DIO2: variants seen among roughly 807,000 people sequenced by gnomAD.
DIO2 encodes the protein type II iodothyronine deiodinase.
In DIO2, 19 loss-of-function variants were observed where a neutral mutation model predicts 21.4. The ratio of observed to expected loss-of-function variants is 0.89; its 90% CI spans 0.62 to 1.30. The LOEUF (loss-of-function observed/expected upper bound fraction) is 1.30. DIO2 is among the 50% of genes most tolerant of loss of function. The pLI is 0.00. For synonymous variants in DIO2, 122 were observed against 132.9 expected, an observed-to-expected ratio of 0.92 and a Z score of 0.57; for missense variants, 302 against 338.1, an observed-to-expected ratio of 0.89 and a Z score of 0.84.
chr14:80,207,718 T>G (rs1021933346), intron 1 of DIO2, among the ~76,000 whole-genome samples: 1 of 152,226 alleles, frequency 6.6e-6, no homozygotes, highest in Admixed American at 6.5e-5. Context: ...AGTTGAAGAA[T>G]AGGCTACGTA....
At chr14:80,208,221 C>A (rs1282311291) in intron 1 of DIO2, among the ~76,000 whole-genome samples, 1 of 152,088 alleles carries the variant, frequency 6.6e-6, no homozygotes, top group Middle Eastern at 3.2e-3. Context: ...TAACAAACAC[C>A]TTTTATTCAC....
At chr14:80,212,305 T>C (rs887308635), upstream of DIO2, 4 of 151,788 alleles carry the variant, frequency 2.6e-5, no homozygotes, top group Non-Finnish European at 4.4e-5. Context: ...TTGGCCAGGA[T>C]TGCAGTGAAT....
At chr14:80,216,160 C>CAA (rs1888347480), upstream of DIO2, 1 of 151,626 alleles carries the variant, frequency 6.6e-6, no homozygotes, top group Non-Finnish European at 1.5e-5. Flanking sequence ...ACTGGTAAGA[C>CAA]AGAGGGGGAG....
Position 80,202,926 on chromosome 14 carries a change from G to A in DIO2, c.585C>T (p.Ala195=). 6.2e-7 allele frequency: 1 copy of A among 1,613,944 alleles called. No individual in the cohort carries two copies. The highest frequency in any genetic ancestry group is 1.1e-5 in the South Asian group (1 of 91,078). The change falls in exon 2 of 2, where the codon GCC becomes GCT. Residue 195 remains alanine, a synonymous_variant. Transcript: ENST00000438257. Reference sequence around the variant, plus strand: ...AGGAGAAACGCTCCAGAAGCTGCTGGGCTGCTGCACATCGATCTTCCTGGT... The same window carrying A: ...AGGAGAAACGCTCCAGAAGCTGCTGAGCTGCTGCACATCGATCTTCCTGGT... ...HQNQEDRCAA[A]QQLLERFSLP...
intron 2 of DIO2, among the ~76,000 whole-genome samples, chr14:80,222,139 T>G (rs1296801708): frequency 6.6e-6 from 1 of 152,248 alleles, no homozygotes; most frequent in African/African-American, 2.4e-5. Flanking sequence ...CACTTGCATA[T>G]ATGCATGTAC....
upstream of DIO2, among the ~76,000 whole-genome samples, chr14:80,215,047 G>A (rs1417846915): frequency 1.3e-5 from 2 of 152,126 alleles, no homozygotes; most frequent in Non-Finnish European, 2.9e-5. Flanking sequence ...TCCCGACTCA[G>A]GCTCCTTGTT....
At chr14:80,205,865 T>C (rs225011) in intron 1 of DIO2, 213,526 of 453,718 alleles carry the variant, frequency 0.47, 52,552 homozygotes, top group East Asian at 0.75. Context: ...TTGTTATAAT[T>C]CTAGGTCAGT....
At chr14:80,216,720 C>T (rs1328039154) in exon 3 of DIO2, 1 of 152,162 alleles carries the variant, frequency 6.6e-6, no homozygotes, top group Non-Finnish European at 1.5e-5. Context: ...GACTCAATCT[C>T]TTCTTTCTCC....
chr14:80,214,609 C>T (rs969281154), upstream of DIO2, among the ~76,000 whole-genome samples: 1 of 152,132 alleles, frequency 6.6e-6, no homozygotes, highest in South Asian at 2.1e-4. Context: ...ACGATAAACA[C>T]ATCACAAAAC....
chr14:80,221,202 A>G (rs892645740), intron 2 of DIO2, among the ~76,000 whole-genome samples: 1 of 152,194 alleles, frequency 6.6e-6, no homozygotes, highest in African/African-American at 2.4e-5. Flanking sequence ...CAGAACATCT[A>G]CAATGGTATT....
chr14:80,214,913 T>C (rs1424031843), upstream of DIO2, among the ~76,000 whole-genome samples: 1 of 152,218 alleles, frequency 6.6e-6, no homozygotes, highest in African/African-American at 2.4e-5. Context: ...CTTTTTTTCT[T>C]TAATGTCTGT....
upstream of DIO2, among the ~76,000 whole-genome samples, chr14:80,213,292 G>A (rs1220046213): frequency 1.3e-5 from 2 of 152,164 alleles, no homozygotes; most frequent in Non-Finnish European, 2.9e-5. Flanking sequence ...TAGATACTGA[G>A]TTTTAGATAC....
chr14:80,205,684 AAC>A (rs780740869), intron 1 of DIO2: 1 of 1,331,846 alleles, frequency 7.5e-7, no homozygotes, highest in South Asian at 1.2e-5. Flanking sequence ...TTCTTTCCAA[AAC>A]ACAGACTAAT....
At chr14:80,204,350 G>A (rs1449017802) in intron 1 of DIO2, among the ~76,000 whole-genome samples, 2 of 152,074 alleles carry the variant, frequency 1.3e-5, no homozygotes, top group Non-Finnish European at 2.9e-5. Context: ...CCCACAATTT[G>A]TTAACAAGCT....
exon 3 of DIO2, chr14:80,216,704 A>C (rs754924853): frequency 1.3e-5 from 2 of 152,176 alleles, no homozygotes; most frequent in Non-Finnish European, 2.9e-5. Context: ...TCTTTTCTGA[A>C]ACTGTGACTC....
intron 2 of DIO2, chr14:80,219,442 G>A (rs181112773): frequency 6.6e-6 from 1 of 151,216 alleles, no homozygotes; most frequent in African/African-American, 2.4e-5. Context: ...AAAAGCCAAA[G>A]AGACACCGGC....
At chr14:80,221,503 A>G (rs2140018716) in intron 2 of DIO2, among the ~76,000 whole-genome samples, 2 of 152,296 alleles carry the variant, frequency 1.3e-5, no homozygotes, top group South Asian at 2.1e-4. Context: ...TTTTAATGGT[A>G]TGCAGTACAC....
At position 80,203,679 on chromosome 14, in the gene DIO2, G is replaced by A. The variant is rs374170638; in HGVS notation, c.223-391C>T. Among the ~76,000 whole-genome samples, 4 of 152,290 alleles carry A rather than the reference G, an allele frequency of 2.6e-5. No individual in the cohort carries two copies. The South Asian group carries it at 8.3e-4, about 32-fold the overall frequency. On this transcript the variant is annotated intron_variant, in intron 1 of 1. Transcript: ENST00000438257. ...TTCATTTTAAAAATTAGAAGCAAAT[G>A]GTCTACTTTAAGACAAATTATCAGG...
intron 1 of DIO2, among the ~76,000 whole-genome samples, chr14:80,208,476 T>G (rs1888039290): frequency 6.6e-6 from 1 of 152,216 alleles, no homozygotes; most frequent in Non-Finnish European, 1.5e-5. Context: ...CTCCACTTTC[T>G]CTACATATCT....
Sources: allele counts gnomAD v4.1 joint callset (sites outside exome capture counted in the v4.1 genomes callset), GRCh38; gene constraint gnomAD v4.1.1; transcripts MANE v1.5; gene names NCBI Gene and HGNC (gene_info 2026-07-23, HGNC 2026-07-21).